SCLT1: variants seen among roughly 807,000 people sequenced by gnomAD.
SCLT1 encodes the protein sodium channel and clathrin linker 1, also known as sodium channel-associated protein 1.
SCLT1 carries 78 observed loss-of-function variants against 112.8 expected under a neutral mutation model. That is an observed-to-expected ratio of 0.69 (90% CI 0.58 to 0.83). The LOEUF is 0.83. Ranked by LOEUF, SCLT1 falls within the 40% of genes least tolerant of loss-of-function variation. The pLI is 0.00. For missense variants in SCLT1, 747 were observed against 770.4 expected (o/e 0.97, Z 0.36); for synonymous variants, 257 against 254.7 (o/e 1.01, Z -0.09).
chr4:129,044,948 C>T (rs1748050456), intron 2 of SCLT1, among the ~76,000 whole-genome samples: 1 of 151,206 alleles, frequency 6.6e-6, no homozygotes. Context: ...ACAAACACAA[C>T]AGTATAACAA....
At chr4:128,934,679 C>T (rs151005415) in intron 18 of SCLT1, among the ~76,000 whole-genome samples, 412 of 151,934 alleles carry the variant, frequency 2.7e-3, no homozygotes, top group Middle Eastern at 0.01. Context: ...AGATTACAAA[C>T]GGTTTTTCTA....
intron 20 of SCLT1, among the ~76,000 whole-genome samples, chr4:128,888,471 G>A (rs979703464): frequency 2.6e-5 from 4 of 152,084 alleles, no homozygotes. Context: ...TCCTGCCTAG[G>A]CCTCCCAAAT....
chr4:128,875,593 C>T (rs560976757), intron 4 of SCLT1, among the ~76,000 whole-genome samples: 6 of 152,146 alleles, frequency 3.9e-5, no homozygotes, highest in Non-Finnish European at 8.8e-5. Context: ...CGTTTTAAGC[C>T]TCAGTTTTCC....
chr4:128,997,131 C>A (rs1444492747), intron 8 of SCLT1: 1 of 151,732 alleles, frequency 6.6e-6, no homozygotes, highest in African/African-American at 2.4e-5. Flanking sequence ...AGAATAGGTA[C>A]AGATTGGTTT....
At chr4:128,894,363 AACACACAC>A (rs10522940) in intron 18 of SCLT1, among the ~76,000 whole-genome samples, 2,639 of 143,042 alleles carry the variant, frequency 0.018, 37 homozygotes, top group South Asian at 0.049. Flanking sequence ...TTGAGTAAGT[AACACACAC>A]ACACACACAC....
At chr4:129,075,002 C>CT (rs1312693887) in intron 2 of SCLT1, among the ~76,000 whole-genome samples, 1 of 152,114 alleles carries the variant, frequency 6.6e-6, no homozygotes, top group Non-Finnish European at 1.5e-5. Context: ...CACTGGGTCT[C>CT]TAATTATCTT....
intron 18 of SCLT1, among the ~76,000 whole-genome samples, chr4:128,892,958 C>T (rs766753972): frequency 1.1e-4 from 17 of 151,950 alleles, no homozygotes; most frequent in South Asian, 4.2e-4. Context: ...ACCATCCCCC[C>T]GACAACATAA....
intron 11 of SCLT1, among the ~76,000 whole-genome samples, chr4:128,962,719 C>T (rs1739849096): frequency 6.6e-6 from 1 of 152,172 alleles, no homozygotes; most frequent in Admixed American, 6.5e-5. Flanking sequence ...AAACCTCAGA[C>T]CCCTTCCTTT....
chr4:128,912,779 T>C (rs1735203684), intron 18 of SCLT1, among the ~76,000 whole-genome samples: 1 of 152,028 alleles, frequency 6.6e-6, no homozygotes, highest in East Asian at 1.9e-4. Flanking sequence ...AGGGTCTCAA[T>C]GTGTTGTCCT....
chr4:128,892,885 C>T (rs1223080462), intron 18 of SCLT1, among the ~76,000 whole-genome samples: 12 of 151,820 alleles, frequency 7.9e-5, no homozygotes, highest in Admixed American at 7.9e-4. Context: ...GTGATAATGA[C>T]AAAATAGAAT....
rs73847307 is a variant in SCLT1 at position 128,955,315 on chromosome 4, T to A, written c.1146+1711A>T. ...TTTTCCTCTATAATTTTATGAATAG[T>A]AAGGACATTTATAAACCAAATAGTA... is the stretch of plus-strand genomic sequence containing the variant. On this transcript the variant is annotated intron_variant, in intron 13 of 20. Transcript: ENST00000281142. Among the ~76,000 whole-genome samples the A allele has an allele frequency of 3.8e-3, 574 of 152,262 alleles. 1 individual carries two copies. Among genetic ancestry groups the A allele is most frequent in the African/African-American group, 0.011 (475 of 41,550 alleles).
chr4:129,008,927 T>A (rs1344305336), intron 5 of SCLT1, among the ~76,000 whole-genome samples: 1 of 152,226 alleles, frequency 6.6e-6, no homozygotes. Flanking sequence ...TGCTTTTCTG[T>A]TTCTCTGTTA....
intron 16 of SCLT1, 50 bp from the exon 17 acceptor site, chr4:128,943,238 T>A (rs1225975186): frequency 6.2e-6 from 8 of 1,293,056 alleles, no homozygotes; most frequent in Non-Finnish European, 7.5e-6. Context: ...TGATCTATAG[T>A]AGAAGATAAA....
chr4:128,974,487 G>A (rs1740973033), intron 9 of SCLT1, among the ~76,000 whole-genome samples: 1 of 151,974 alleles, frequency 6.6e-6, no homozygotes, highest in Non-Finnish European at 1.5e-5. Flanking sequence ...AGATCTTGGT[G>A]GCTCAATGTG....
At position 128,952,774 on chromosome 4, in the gene SCLT1, G is replaced by T; in HGVS notation, c.1213C>A (p.Gln405Lys). The change falls in exon 14 of 21, where the codon CAA becomes AAA. Residue 405 changes from glutamine to lysine, a missense_variant. Transcript: ENST00000281142. ...SRLTEELSAL[Q>K]MECAEKQGQI... The stretch of plus-strand genomic sequence containing the variant: ...ATCAGTATAGTCAAACATACCATTT[G>T]AAGGGCTGAAAGTTCTTCTGTTAAT... 6.5e-7 allele frequency: 1 copy of T among 1,531,182 alleles called. No homozygotes were observed. The highest frequency in any genetic ancestry group is 9.1e-7 in the Non-Finnish European group (1 of 1,104,746). 94.8% of individuals were successfully genotyped at this position (1,531,182 alleles called of 1,614,324 possible).
intron 18 of SCLT1, among the ~76,000 whole-genome samples, chr4:128,934,092 T>C (rs1486386871): frequency 2.6e-5 from 4 of 152,004 alleles, no homozygotes; most frequent in Non-Finnish European, 5.9e-5. Context: ...ATTCAAAAAA[T>C]AATTATATAA....
chr4:128,916,959 A>C (rs1735526018), intron 18 of SCLT1, among the ~76,000 whole-genome samples: 1 of 152,106 alleles, frequency 6.6e-6, no homozygotes, highest in Non-Finnish European at 1.5e-5. Flanking sequence ...ATTCTGGGCC[A>C]CTACATCTGC....
intron 18 of SCLT1, among the ~76,000 whole-genome samples, chr4:128,916,623 G>A (rs143426154): frequency 8.5e-5 from 13 of 152,202 alleles, no homozygotes; most frequent in African/African-American, 2.6e-4. Context: ...TAAAAATTAC[G>A]GTACATTTTT....
intron 2 of SCLT1, among the ~76,000 whole-genome samples, chr4:129,056,392 C>T (rs1749395187): frequency 6.6e-6 from 1 of 152,122 alleles, no homozygotes; most frequent in Non-Finnish European, 1.5e-5. Flanking sequence ...CAGTACCATG[C>T]TGTTTTGGTT....
Sources: allele counts gnomAD v4.1 joint callset (sites outside exome capture counted in the v4.1 genomes callset), GRCh38; gene constraint gnomAD v4.1.1; transcripts MANE v1.5; gene names NCBI Gene and HGNC (gene_info 2026-07-23, HGNC 2026-07-21).